The following COL24A1 variants were observed in gnomAD, a reference collection of about 807,000 sequenced individuals.
The protein encoded by COL24A1 is collagen type XXIV alpha 1 chain, also known as collagen alpha-1(XXIV) chain.
COL24A1 carries 224 observed loss-of-function variants against 253.9 expected under a neutral mutation model. The observed-to-expected ratio is 0.88, with a 90% CI of 0.79 to 0.99. The LOEUF (loss-of-function observed/expected upper bound fraction) is 0.99. COL24A1 is among the 50% of genes least tolerant of loss of function. The probability of loss-of-function intolerance (pLI) is 0.00; values close to 1 mark genes in which losing one functional copy is unlikely to be tolerated. For synonymous variants in COL24A1, 685 were observed against 673.7 expected (o/e 1.02, Z -0.26); for missense variants, 2,131 against 2,068.5 (o/e 1.03, Z -0.59).
intron 19 of COL24A1, among the ~76,000 whole-genome samples, chr1:86,008,333 C>A (rs1696158488): frequency 6.6e-6 from 1 of 152,054 alleles, no homozygotes. Context: ...AAACTTCTGC[C>A]TCCTGGGCTC....
chr1:85,794,842 A>C (rs920753214), intron 47 of COL24A1, among the ~76,000 whole-genome samples: 13 of 152,130 alleles, frequency 8.5e-5, no homozygotes, highest in Admixed American at 3.9e-4. Context: ...AAATTAATAT[A>C]ATTATAAGAG....
At chr1:85,872,165 C>T (rs1680587757) in intron 35 of COL24A1, among the ~76,000 whole-genome samples, 1 of 152,140 alleles carries the variant, frequency 6.6e-6, no homozygotes, top group African/African-American at 2.4e-5. Flanking sequence ...TCAAGGAGAA[C>T]TACAAACCAC....
chr1:85,917,714 G>T (rs1210148335), intron 24 of COL24A1, among the ~76,000 whole-genome samples: 1 of 151,834 alleles, frequency 6.6e-6, no homozygotes, highest in Non-Finnish European at 1.5e-5. Context: ...TATTTGAGAT[G>T]GAGTCTTGCT....
intron 5 of COL24A1, among the ~76,000 whole-genome samples, chr1:86,094,477 C>CATAG (rs1703752243): frequency 7.2e-6 from 1 of 138,574 alleles, no homozygotes; most frequent in African/African-American, 2.5e-5. Flanking sequence ...GAACAACAGA[C>CATAG]ATAGGGTGGG....
At chr1:85,942,738 T>C (rs907436125) in intron 24 of COL24A1, among the ~76,000 whole-genome samples, 2 of 152,200 alleles carry the variant, frequency 1.3e-5, no homozygotes, top group Non-Finnish European at 2.9e-5. Context: ...GGAGAAGGGA[T>C]TAGTGTGTCT....
At chr1:85,934,514 GCATAA>G (rs1688084872) in intron 24 of COL24A1, among the ~76,000 whole-genome samples, 1 of 152,064 alleles carries the variant, frequency 6.6e-6, no homozygotes, top group African/African-American at 2.4e-5. Flanking sequence ...CAGATGAAAT[GCATAA>G]CATTTCATTC....
chr1:85,865,266 C>T (rs1245377023), intron 37 of COL24A1, among the ~76,000 whole-genome samples: 2 of 151,978 alleles, frequency 1.3e-5, no homozygotes, highest in Non-Finnish European at 2.9e-5. Context: ...TTTTAAAGTG[C>T]AAAAATAAAT....
intron 5 of COL24A1, among the ~76,000 whole-genome samples, chr1:86,099,079 T>C (rs1401223565): frequency 6.6e-6 from 1 of 152,142 alleles, no homozygotes; most frequent in Non-Finnish European, 1.5e-5. Flanking sequence ...CCTTGGTAAA[T>C]TTTAAAAGGT....
intron 43 of COL24A1, among the ~76,000 whole-genome samples, chr1:85,827,476 G>C (rs1674534278): frequency 6.6e-6 from 1 of 151,648 alleles, no homozygotes; most frequent in Admixed American, 6.6e-5. Flanking sequence ...TTTTTCTATT[G>C]ATTGGAATAG....
At position 85,987,641 on chromosome 1, in the gene COL24A1, T is replaced by G. The variant is rs766845521; in HGVS notation, c.2324A>C (p.Asp775Ala). Residue 775 changes from aspartate (D) to alanine (A), a missense_variant, in exon 20 of 60, where the codon GAT (aspartate) becomes GCT (alanine). Coordinates refer to ENST00000370571, the MANE Select transcript of COL24A1 (RefSeq NM_152890.7). ...GCCGTTTTGTCCAGGAATCCCAATA[T>G]CTCCTGGAAAACCCTAGGGAATATA... ...GPPGPEGFPG[D>A]IGIPGQNGPE... 3.0e-5 allele frequency: 48 copies of G among 1,610,336 alleles called. No individual in the cohort carries two copies. The East Asian group carries it at 6.9e-4, about 23-fold the overall frequency.
chr1:85,850,193 G>T (rs530054944), intron 37 of COL24A1, among the ~76,000 whole-genome samples: 3 of 152,040 alleles, frequency 2.0e-5, no homozygotes, highest in Non-Finnish European at 4.4e-5. Context: ...CAATGGTTAG[G>T]CTTAAGTGAG....
intron 24 of COL24A1, among the ~76,000 whole-genome samples, chr1:85,958,963 C>G (rs990811967): frequency 2.6e-5 from 4 of 152,096 alleles, no homozygotes; most frequent in Admixed American, 2.6e-4. Flanking sequence ...CACTCTATCA[C>G]AAATTGAATT....
chr1:85,809,159 G>A (rs1672285368), intron 47 of COL24A1, among the ~76,000 whole-genome samples: 2 of 152,150 alleles, frequency 1.3e-5, no homozygotes, highest in African/African-American at 4.8e-5. Flanking sequence ...TAACTCCTGA[G>A]CAGTAGGGAT....
At chr1:85,763,342 C>T (rs1004439265) in intron 53 of COL24A1, among the ~76,000 whole-genome samples, 3 of 151,726 alleles carry the variant, frequency 2.0e-5, no homozygotes, top group African/African-American at 2.4e-5. Context: ...TGCTTGAACC[C>T]GGGAAGCAGA....
At chr1:86,155,325 A>G (rs1054285934) in intron 1 of COL24A1, 3 of 152,310 alleles carry the variant, frequency 2.0e-5, no homozygotes, top group Admixed American at 6.5e-5. Flanking sequence ...CTTTCTCCGC[A>G]CCCTGCCTCC....
At chr1:85,733,582 A>ATTT (rs200237796) in intron 59 of COL24A1, among the ~76,000 whole-genome samples, 1 of 144,992 alleles carries the variant, frequency 6.9e-6, no homozygotes, top group Non-Finnish European at 1.5e-5. Flanking sequence ...CTGTCATTTA[A>ATTT]TTTTTTTTTT....
At chr1:85,916,648 A>C (rs1161460355) in intron 24 of COL24A1, among the ~76,000 whole-genome samples, 1 of 152,112 alleles carries the variant, frequency 6.6e-6, no homozygotes, top group Non-Finnish European at 1.5e-5. Context: ...GTGACAGAGC[A>C]AGACCCTGTC....
At chr1:85,883,897 T>C (rs1682164309) in intron 32 of COL24A1, 1 of 152,202 alleles carries the variant, frequency 6.6e-6, no homozygotes, top group Non-Finnish European at 1.5e-5. Context: ...GACTTATCCA[T>C]GAGATACAAT....
At chr1:85,864,785 C>A (rs1679594666) in intron 37 of COL24A1, among the ~76,000 whole-genome samples, 1 of 152,140 alleles carries the variant, frequency 6.6e-6, no homozygotes, top group Non-Finnish European at 1.5e-5. Context: ...ATAAATCCAA[C>A]CAAATTTTGT....
Sources: gnomAD v4.1 joint callset for allele counts (sites outside exome capture counted in the v4.1 genomes callset) on GRCh38, gnomAD v4.1.1 for gene constraint, MANE v1.5 for transcripts, NCBI Gene and HGNC (gene_info 2026-07-23, HGNC 2026-07-21) for gene names.